Variants in SDCCAG8 observed in about 807,000 individuals in gnomAD.
SDCCAG8 encodes serologically defined colon cancer antigen 8.
SDCCAG8 carries 74 observed loss-of-function variants against 101.8 expected under a neutral mutation model. That is an observed-to-expected ratio of 0.73 (90% confidence interval 0.60 to 0.88). SDCCAG8 has a LOEUF of 0.88. SDCCAG8 is among the 40% of genes least tolerant of loss of function. The pLI, the probability that SDCCAG8 is intolerant of heterozygous loss-of-function variation, is 0.00. For missense variants in SDCCAG8, 787 were observed against 822.6 expected (o/e 0.96, Z 0.53); for synonymous variants, 281 against 292.9 (o/e 0.96, Z 0.41).
At chr1:243,272,252 A>T (rs1044860515) in intron 3 of SDCCAG8, among the ~76,000 whole-genome samples, 1 of 152,236 alleles carries the variant, frequency 6.6e-6, no homozygotes, top group Admixed American at 6.5e-5. Flanking sequence ...TTCTAGTTCA[A>T]TACAATGCCT....
intron 4 of SDCCAG8, among the ~76,000 whole-genome samples, chr1:243,277,132 G>A (rs2068641390): frequency 6.6e-6 from 1 of 152,136 alleles, no homozygotes; most frequent in African/African-American, 2.4e-5. Context: ...GTTTTTGTGT[G>A]GACATCTGTT....
At chr1:243,451,664 C>G (rs555193541) in intron 16 of SDCCAG8, among the ~76,000 whole-genome samples, 1 of 152,156 alleles carries the variant, frequency 6.6e-6, no homozygotes, top group Non-Finnish European at 1.5e-5. Context: ...ATGGCTCATG[C>G]CTGTAATCCC....
chr1:243,258,994 T>C (rs565069314), intron 1 of SDCCAG8, among the ~76,000 whole-genome samples: 1 of 152,358 alleles, frequency 6.6e-6, no homozygotes, highest in East Asian at 1.9e-4. Context: ...TGTAAATAAC[T>C]GCACATGTAG....
At chr1:243,305,495 A>C (rs1156515208) in intron 7 of SDCCAG8, 1 of 151,776 alleles carries the variant, frequency 6.6e-6, no homozygotes, top group African/African-American at 2.4e-5. Flanking sequence ...ATACATGATG[A>C]ATTTGAGTAT....
rs556821132 is a variant in SDCCAG8, at chr1:243,479,574, C to A, written c.1986-9440C>A. The stretch of plus-strand genomic sequence containing the variant: ...ATCATTTTAAAATGTAAAAATCACT[C>A]TCAATTGGCAGATCATACAGAAACA... On this transcript the variant is annotated intron_variant, in intron 16 of 17. Transcript: ENST00000366541. 2.0e-5 allele frequency among the ~76,000 whole-genome samples: 3 copies of A among 152,298 alleles called. No individual in the cohort carries two copies. The South Asian group carries it at 6.2e-4, about 32-fold the overall frequency.
chr1:243,351,976 G>T (rs866948939), intron 12 of SDCCAG8, among the ~76,000 whole-genome samples: 1 of 152,124 alleles, frequency 6.6e-6, no homozygotes, highest in Non-Finnish European at 1.5e-5. Context: ...ATTTAGTCAC[G>T]TTGTTAATGA....
intron 3 of SDCCAG8, among the ~76,000 whole-genome samples, chr1:243,273,322 A>G (rs2068246715): frequency 6.6e-6 from 1 of 152,168 alleles, no homozygotes; most frequent in Non-Finnish European, 1.5e-5. Flanking sequence ...GCTTTGTTTA[A>G]CTGGTTGACC....
intron 16 of SDCCAG8, among the ~76,000 whole-genome samples, chr1:243,459,498 G>GA (rs1658590710): frequency 6.6e-6 from 1 of 150,846 alleles, no homozygotes; most frequent in East Asian, 2.0e-4. Context: ...GTGTATTACA[G>GA]AAAGGCTTGG....
chr1:243,324,205 G>A (rs968241333), intron 9 of SDCCAG8, among the ~76,000 whole-genome samples: 2 of 151,696 alleles, frequency 1.3e-5, no homozygotes, highest in African/African-American at 2.4e-5. Context: ...CATTGGCTCC[G>A]CCTTCCCATC....
intron 17 of SDCCAG8, among the ~76,000 whole-genome samples, chr1:243,490,647 G>C (rs2148276509): frequency 6.6e-6 from 1 of 152,380 alleles, no homozygotes; most frequent in Non-Finnish European, 1.5e-5. Flanking sequence ...TGGGAGTGCT[G>C]AGTGCAGGCG....
At chr1:243,382,570 A>G (rs2078025096) in intron 13 of SDCCAG8, among the ~76,000 whole-genome samples, 1 of 152,172 alleles carries the variant, frequency 6.6e-6, no homozygotes, top group Non-Finnish European at 1.5e-5. Context: ...TAAAATATCT[A>G]CTATCTGTCC....
intron 12 of SDCCAG8, among the ~76,000 whole-genome samples, chr1:243,351,626 A>C (rs115808018): frequency 6.6e-6 from 1 of 152,236 alleles, no homozygotes; most frequent in African/African-American, 2.4e-5. Context: ...TTCTTATCGC[A>C]GCCTAACCAA....
chr1:243,322,617 C>A (rs187280332), intron 9 of SDCCAG8, among the ~76,000 whole-genome samples: 1 of 151,532 alleles, frequency 6.6e-6, no homozygotes, highest in South Asian at 2.1e-4. Context: ...TAGCATCTTG[C>A]GTAGATCTCA....
At position 243,286,369 on chromosome 1, in the gene SDCCAG8, T is replaced by C. The variant is rs541533278; in HGVS notation, c.518T>C (p.Leu173Pro). 3.9e-5 allele frequency: 63 copies of C among 1,614,076 alleles called. 1 individual carries two copies. The highest frequency in any genetic ancestry group is 5.0e-5 in the Admixed American group (3 of 60,026). ...AAATCTCAAAGACAAGAGGAGACAC[T>C]GAGGGAACAAACACTTCTGGATGCA... ...QLKSQRQEETLREQTLLDASG... is the reference protein window; with the variant it reads ...QLKSQRQEETPREQTLLDASG... The change falls in exon 5 of 18, where the codon CTG becomes CCG. Residue 173 changes from leucine (L) to proline (P), a missense_variant. Coordinates refer to ENST00000366541, the MANE Select transcript of SDCCAG8 (RefSeq NM_006642.5).
At position 243,405,721 on chromosome 1, in the gene SDCCAG8, C is replaced by T. The variant is rs537792489; in HGVS notation, c.1617-9981C>T. On this transcript the variant is annotated intron_variant, in intron 13 of 17. Transcript: ENST00000366541. ...GTGGATCTAATACCTGGAAAATTCT[C>T]GTATGTGGAACATATTCTCAACATT... 1.8e-4 allele frequency among the ~76,000 whole-genome samples: 27 copies of T among 151,924 alleles called. 1 individual carries two copies. In the South Asian group the frequency reaches 3.9e-3, roughly 22 times the overall value.
intron 12 of SDCCAG8, among the ~76,000 whole-genome samples, chr1:243,364,536 A>G (rs2076888937): frequency 6.6e-6 from 1 of 152,188 alleles, no homozygotes; most frequent in South Asian, 2.1e-4. Context: ...AGGTGACCTC[A>G]GCCAGAGCCG....
At chr1:243,427,531 G>A (rs1355175217) in intron 16 of SDCCAG8, among the ~76,000 whole-genome samples, 1 of 151,990 alleles carries the variant, frequency 6.6e-6, no homozygotes, top group African/African-American at 2.4e-5. Context: ...AGTGGACACG[G>A]TTCGCGTGGC....
At chr1:243,471,829 G>T (rs544314671) in intron 16 of SDCCAG8, among the ~76,000 whole-genome samples, 1 of 152,066 alleles carries the variant, frequency 6.6e-6, no homozygotes, top group Non-Finnish European at 1.5e-5. Context: ...TGGACTATTA[G>T]GTCACAGGTG....
At chr1:243,401,298 A>G (rs1012283487) in intron 13 of SDCCAG8, among the ~76,000 whole-genome samples, 2 of 152,234 alleles carry the variant, frequency 1.3e-5, no homozygotes, top group Non-Finnish European at 2.9e-5. Context: ...AGGTGCAGAA[A>G]ATGTTTGGGA....
Sources: gnomAD v4.1 joint callset for allele counts (sites outside exome capture counted in the v4.1 genomes callset) on GRCh38, gnomAD v4.1.1 for gene constraint, MANE v1.5 for transcripts, NCBI Gene and HGNC (gene_info 2026-07-23, HGNC 2026-07-21) for gene names.